CD2AP: variants seen among roughly 807,000 people sequenced by gnomAD.
The protein encoded by CD2AP is CD2 associated protein, also known as CD2-associated protein.
CD2AP carries 46 observed loss-of-function variants against 85.1 expected under a neutral mutation model. That is an observed-to-expected ratio of 0.54 (90% CI 0.43 to 0.69). The LOEUF (loss-of-function observed/expected upper bound fraction) is 0.69, where lower values mean the gene tolerates loss of function less well. Among genes scored for constraint, CD2AP ranks in the 30% least tolerant of loss-of-function variants. CD2AP has a pLI of 0.00. For synonymous variants in CD2AP, 255 were observed against 252.9 expected (o/e 1.01, Z -0.08); for missense variants, 769 against 729.5 (o/e 1.05, Z -0.62).
chr6:47,490,944 C>T (rs900521135), intron 1 of CD2AP, among the ~76,000 whole-genome samples: 9 of 152,014 alleles, frequency 5.9e-5, no homozygotes, highest in African/African-American at 2.2e-4. Context: ...CTTATCATTC[C>T]ATATTTAACA....
intron 2 of CD2AP, among the ~76,000 whole-genome samples, chr6:47,504,716 C>T (rs746816454): frequency 5.3e-5 from 8 of 151,958 alleles, no homozygotes; most frequent in Admixed American, 6.6e-5. Context: ...TCCAGACCAC[C>T]ACAATAGAGC....
intron 2 of CD2AP, among the ~76,000 whole-genome samples, chr6:47,523,496 C>A (rs2151973): frequency 0.87 from 133,036 of 152,126 alleles, 58,480 homozygotes; most frequent in Non-Finnish European, 0.92. Context: ...TCTTCATTGA[C>A]AATAAGTAAA....
chr6:47,599,474 T>TAAA, intron 13 of CD2AP, 31 bp downstream of exon 13: 2 of 1,321,806 alleles, frequency 1.5e-6, no homozygotes, highest in Non-Finnish European at 2.1e-6. Flanking sequence ...GTGGTGCATT[T>TAAA]AAAAAAAAAA....
intron 5 of CD2AP, among the ~76,000 whole-genome samples, chr6:47,573,134 G>A (rs759436440): frequency 4.9e-4 from 74 of 152,162 alleles, no homozygotes; most frequent in Middle Eastern, 3.4e-3. Flanking sequence ...GTTGTTTGTG[G>A]ACTCATTGAG....
intron 5 of CD2AP, among the ~76,000 whole-genome samples, chr6:47,556,015 T>G (rs1299396490): frequency 2.0e-5 from 3 of 151,762 alleles, no homozygotes; most frequent in African/African-American, 7.3e-5. Context: ...TAAACCTCAG[T>G]GCACTCAGTG....
At chr6:47,615,522 C>T (rs184755451) in intron 17 of CD2AP, among the ~76,000 whole-genome samples, 4 of 151,976 alleles carry the variant, frequency 2.6e-5, no homozygotes, top group East Asian at 1.9e-4. Context: ...GTTCATGTGG[C>T]GAGAGAGGGA....
At chr6:47,520,404 T>G (rs1380809965) in intron 2 of CD2AP, among the ~76,000 whole-genome samples, 2 of 152,244 alleles carry the variant, frequency 1.3e-5, no homozygotes, top group African/African-American at 2.4e-5. Flanking sequence ...ACTTGGTCTC[T>G]GTTGACAGTT....
chr6:47,578,797 C>T (rs1020254230), intron 8 of CD2AP, among the ~76,000 whole-genome samples: 1 of 151,862 alleles, frequency 6.6e-6, no homozygotes, highest in East Asian at 2.0e-4. Context: ...GCTGGGACTA[C>T]AGGCGCCTGT....
chr6:47,568,628 C>T (rs1300341281), intron 5 of CD2AP, among the ~76,000 whole-genome samples: 1 of 152,122 alleles, frequency 6.6e-6, no homozygotes, highest in African/African-American at 2.4e-5. Flanking sequence ...CCTGTAATCG[C>T]AGCTACTTGG....
chr6:47,510,331 C>T (rs1034345584), intron 2 of CD2AP, among the ~76,000 whole-genome samples: 13 of 152,114 alleles, frequency 8.5e-5, no homozygotes, highest in Non-Finnish European at 1.9e-4. Flanking sequence ...CCTCAGTAGC[C>T]GTGAGTACAT....
chr6:47,486,449 G>A (rs9369699), intron 1 of CD2AP, among the ~76,000 whole-genome samples: 133,053 of 152,144 alleles, frequency 0.87, 58,491 homozygotes, highest in Non-Finnish European at 0.92. Context: ...TATAGGGTCA[G>A]TGTCAGAAAT....
chr6:47,511,881 G>GT (rs1766320217), intron 2 of CD2AP, among the ~76,000 whole-genome samples: 1 of 92,950 alleles, frequency 1.1e-5, no homozygotes, highest in Admixed American at 9.2e-5. Context: ...CAAAAAATTG[G>GT]CCGGGGGTGG....
chr6:47,578,452 A>G (rs988752516), intron 8 of CD2AP, among the ~76,000 whole-genome samples: 7 of 152,106 alleles, frequency 4.6e-5, no homozygotes, highest in Non-Finnish European at 7.4e-5. Context: ...GCGTCAGGCA[A>G]TCTTCCCACA....
At chr6:47,563,353 T>G (rs1767912099) in intron 5 of CD2AP, among the ~76,000 whole-genome samples, 1 of 152,182 alleles carries the variant, frequency 6.6e-6, no homozygotes, top group Non-Finnish European at 1.5e-5. Context: ...GCCACTACAT[T>G]TTGCTTAATA....
intron 12 of CD2AP, among the ~76,000 whole-genome samples, chr6:47,597,719 C>T (rs1768989129): frequency 6.6e-6 from 1 of 150,928 alleles, no homozygotes; most frequent in African/African-American, 2.4e-5. Flanking sequence ...AAGGTGTCCT[C>T]CTGTGGCTTT....
At chr6:47,486,949 G>T (rs1314389461) in intron 1 of CD2AP, among the ~76,000 whole-genome samples, 1 of 152,030 alleles carries the variant, frequency 6.6e-6, no homozygotes, top group Non-Finnish European at 1.5e-5. Context: ...TATTCTCTAG[G>T]GATTTTCTCA....
chr6:47,585,569 G>A lies in CD2AP; in HGVS notation c.1108+3504G>A, dbSNP rs535963142. ...AGGAGGAAGCCAAACAGACCTCGATGTCCTACAGAGTTGAGGATGCAGAGA... is the reference window on the plus strand; with the variant it reads ...AGGAGGAAGCCAAACAGACCTCGATATCCTACAGAGTTGAGGATGCAGAGA... On this transcript the variant is annotated intron_variant, in intron 11 of 17. Coordinates refer to ENST00000359314, the MANE Select transcript of CD2AP (RefSeq NM_012120.3). Among the ~76,000 whole-genome samples, 43 of 152,278 alleles carry A rather than the reference G, an allele frequency of 2.8e-4. 1 individual carries two copies. The South Asian group carries it at 5.8e-3, about 21-fold the overall frequency.
At chr6:47,611,124 C>T (rs1769428493) in intron 16 of CD2AP, among the ~76,000 whole-genome samples, 1 of 147,754 alleles carries the variant, frequency 6.8e-6, no homozygotes, top group Non-Finnish European at 1.5e-5. Context: ...GGGATAAATA[C>T]TATTGATATA....
chr6:47,479,283 C>A (rs1279124101), intron 1 of CD2AP, among the ~76,000 whole-genome samples: 1 of 152,126 alleles, frequency 6.6e-6, no homozygotes, highest in Non-Finnish European at 1.5e-5. Flanking sequence ...AAACGATCAC[C>A]GAAATGAATA....
Sources: gnomAD v4.1 joint callset for allele counts (sites outside exome capture counted in the v4.1 genomes callset) on GRCh38, gnomAD v4.1.1 for gene constraint, MANE v1.5 for transcripts, NCBI Gene and HGNC (gene_info 2026-07-23, HGNC 2026-07-21) for gene names.